Variants in GRK7 observed in about 807,000 individuals in gnomAD.
The protein encoded by GRK7 is G protein-coupled receptor kinase 7.
In GRK7, 24 loss-of-function variants were observed where a neutral mutation model predicts 34.1. The observed-to-expected ratio is 0.70, with a 90% CI of 0.51 to 0.99. The LOEUF is 0.99. Ranked by LOEUF, GRK7 falls within the 50% of genes least tolerant of loss-of-function variation. GRK7 has a pLI of 0.00. For synonymous variants in GRK7, 256 were observed against 279.4 expected (o/e 0.92, Z 0.84); for missense variants, 644 against 707.3 (o/e 0.91, Z 1.02).
the GRK7 span, among the ~76,000 whole-genome samples, chr3:141,757,148 T>TTTTTTTTTTTTTTTTTTC: frequency 8.7e-6 from 1 of 115,284 alleles, no homozygotes; most frequent in Non-Finnish European, 1.8e-5. Flanking sequence ...TTTTTTTTTC[T>TTTTTTTTTTTTTTTTTTC]TTTTTTTTTT....
the GRK7 span, among the ~76,000 whole-genome samples, chr3:141,754,014 G>C: frequency 6.6e-6 from 1 of 152,178 alleles, no homozygotes; most frequent in Non-Finnish European, 1.5e-5. Context: ...CTTTGATAAA[G>C]CCAGGTTTAA....
In GRK7 at chr3:141,769,534, G is replaced by A. The variant is rs188975934; in HGVS notation, c.-215+3796G>A. ...TAAGAGAGAGGTCAAATCCTTAAAA[G>A]GATGGCTTAACTGATAATGGTACAG... On this transcript the variant is annotated intron_variant, in intron 1 of 5. Transcript: ENST00000682958. 1.1e-3 allele frequency among the ~76,000 whole-genome samples: 171 copies of A among 152,304 alleles called. 1 individual carries two copies. Among genetic ancestry groups the A allele is most frequent in the Non-Finnish European group, 1.7e-3 (114 of 68,018 alleles).
intron 1 of GRK7, among the ~76,000 whole-genome samples, chr3:141,766,786 A>G (rs1287563042): frequency 6.6e-6 from 1 of 152,188 alleles, no homozygotes; most frequent in Non-Finnish European, 1.5e-5. Context: ...CTAATAATCT[A>G]TGTCTTCTAA....
At chr3:141,787,043 C>A (rs564337446) in intron 4 of GRK7, among the ~76,000 whole-genome samples, 36 of 152,236 alleles carry the variant, frequency 2.4e-4, no homozygotes, top group Non-Finnish European at 4.4e-4. Context: ...TTTCTACAGC[C>A]AGAGTGAACT....
chr3:141,754,488 G>A, the GRK7 span, among the ~76,000 whole-genome samples: 1 of 142,766 alleles, frequency 7.0e-6, no homozygotes, highest in African/African-American at 2.6e-5. Context: ...AGGCAGGAGT[G>A]CAGTGGTGCA....
At position 141,818,787 on chromosome 3, in the gene GRK7, CT is replaced by C. The variant is rs1371509904; in HGVS notation, c.*1738del. ...GTCCCTTGAGTTAAGGATTCAAGAG[CT>C]GCAAAAGTGCCGGTCAAAAAAATGT... On this transcript the variant is annotated 3_prime_UTR_variant, in exon 6 of 6. Transcript: ENST00000682958. Among the ~76,000 whole-genome samples, 10 of 152,176 alleles carry C rather than the reference CT, an allele frequency of 6.6e-5. No individual in the cohort carries two copies. Among genetic ancestry groups the C allele is most frequent in the Non-Finnish European group, 2.9e-5 (2 of 68,024 alleles).
At chr3:141,804,382 T>G (rs2107891863) in intron 4 of GRK7, among the ~76,000 whole-genome samples, 1 of 152,308 alleles carries the variant, frequency 6.6e-6, no homozygotes, top group Admixed American at 6.5e-5. Flanking sequence ...CCCCAAATCA[T>G]GTATTCTAGA....
rs1444379169 is a variant in GRK7, at chr3:141,778,733, C to T, written c.449C>T (p.Ala150Val). Residue 150 changes from alanine to valine, a missense_variant, in exon 3 of 6, where the codon GCC becomes GTC. Physicochemically the swap from Ala to Val is moderately conservative, Grantham distance 64. Coordinates refer to ENST00000682958, the MANE Select transcript of GRK7 (RefSeq NM_139209.3). The surrounding 1 kb of genome is among the most constrained non-coding windows in gnomAD (Gnocchi z 4.1). ...EEERVAAVTL[A>V]KAEAMAFLQE... ...GAGCGAGTGGCTGCAGTGACGCTGG[C>T]CAAGGCTGAGGCCATGGCTTTCTTG... 6.2e-7 allele frequency: 1 copy of T among 1,611,148 alleles called. No homozygotes were observed. The highest frequency in any genetic ancestry group is 1.3e-5 in the African/African-American group (1 of 74,892).
rs2084603434 is a variant in GRK7, at chr3:141,768,969, GTCC to G, written c.-215+3233_-215+3235del. Among the ~76,000 whole-genome samples, 3 of 152,098 alleles carry G rather than the reference GTCC, an allele frequency of 2.0e-5. No homozygotes were observed. In the South Asian group the frequency reaches 6.2e-4, roughly 32 times the overall value. On this transcript the variant is annotated intron_variant, in intron 1 of 5. Coordinates refer to ENST00000682958, the MANE Select transcript of GRK7 (RefSeq NM_139209.3). ...AAATGTTGAATGACCTCAAGGCTCA[GTCC>G]TTGTCCATCTTCCAGTCTCACTCCC...
chr3:141,787,530 A>T (rs1445252423), intron 4 of GRK7, among the ~76,000 whole-genome samples: 2 of 151,724 alleles, frequency 1.3e-5, no homozygotes, highest in Admixed American at 1.3e-4. Flanking sequence ...TGGCTGAGGC[A>T]GGAGAATTGC....
At chr3:141,780,259 C>T in intron 3 of GRK7, 115 bp from the exon 4 acceptor site, 1 of 832,666 alleles carries the variant, frequency 1.2e-6, no homozygotes, top group East Asian at 2.7e-5. Context: ...TTATTTACAG[C>T]TACTCCTTTC....
chr3:141,815,232 TTTG>T lies in GRK7; in HGVS notation c.1326-1479_1326-1477del, dbSNP rs1217356801. Among the ~76,000 whole-genome samples the T allele has an allele frequency of 9.2e-3, 110 of 11,950 alleles. 4 individuals are homozygous for T. The South Asian group carries it at 0.15, about 16-fold the overall frequency. 7.8% of individuals were successfully genotyped at this position (11,950 alleles called of 152,430 possible). On this transcript the variant is annotated intron_variant, in intron 5 of 5. Transcript: ENST00000682958. ...GAGCCACCATGTCTGGTTGGTTTTTTTTGTTTGTTTGTTTGTTTGTTTGTTTGT... is the reference window on the plus strand; with the variant it reads ...GAGCCACCATGTCTGGTTGGTTTTTTTTTGTTTGTTTGTTTGTTTGTTTGT...
intron 1 of GRK7, among the ~76,000 whole-genome samples, chr3:141,770,662 T>C (rs939484249): frequency 6.6e-6 from 1 of 151,748 alleles, no homozygotes; most frequent in South Asian, 2.1e-4. Flanking sequence ...AAAATACTCA[T>C]CACCACTAAT....
intron 2 of GRK7, among the ~76,000 whole-genome samples, chr3:141,776,235 C>T (rs1160430995): frequency 6.6e-6 from 1 of 151,498 alleles, no homozygotes; most frequent in Non-Finnish European, 1.5e-5. Context: ...TGCAGTGAGC[C>T]GAGATCACGC....
chr3:141,784,680 C>T (rs917688191), intron 4 of GRK7, among the ~76,000 whole-genome samples: 6 of 152,164 alleles, frequency 3.9e-5, no homozygotes. Context: ...TAACCACTAA[C>T]GTTCAGTTGT....
chr3:141,794,757 G>A (rs560820573), intron 4 of GRK7, among the ~76,000 whole-genome samples: 1 of 152,192 alleles, frequency 6.6e-6, no homozygotes, highest in Non-Finnish European at 1.5e-5. Context: ...AGAACGCAGT[G>A]GATGAATTGG....
In GRK7 at chr3:141,779,423, A is replaced by G. The variant is rs547995471; in HGVS notation, c.612+527A>G. Among the ~76,000 whole-genome samples, 15 of 150,646 alleles carry G rather than the reference A, an allele frequency of 1.0e-4. No homozygotes were observed. In the South Asian group the frequency reaches 2.1e-3, roughly 21 times the overall value. The stretch of plus-strand genomic sequence containing the variant: ...AGAGCAAGACTCAAAAAAAAAAAAA[A>G]AAAGAAAGAAAGAAAAGAAAGAAAA... On this transcript the variant is annotated intron_variant, in intron 3 of 5. Transcript: ENST00000682958.
chr3:141,813,381 C>T lies in GRK7; in HGVS notation c.1326-3333C>T, dbSNP rs2107897186. Among the ~76,000 whole-genome samples the T allele has an allele frequency of 3.3e-5, 5 of 152,326 alleles. No individual in the cohort carries two copies. The South Asian group carries it at 1.0e-3, about 32-fold the overall frequency. ...GCCTCAGGAGATCCACCCGCTTTGG[C>T]CTCCCAAAATGCTGGGATTACAGGT... is the stretch of plus-strand genomic sequence containing the variant. On this transcript the variant is annotated intron_variant, in intron 5 of 5. Coordinates refer to ENST00000682958, the MANE Select transcript of GRK7 (RefSeq NM_139209.3).
At chr3:141,804,970 A>G (rs1272066599) in intron 4 of GRK7, among the ~76,000 whole-genome samples, 2 of 150,582 alleles carry the variant, frequency 1.3e-5, no homozygotes, top group Admixed American at 6.6e-5. Context: ...CCACACTCAC[A>G]TACACACACC....
Sources: gnomAD v4.1 joint callset for allele counts (sites outside exome capture counted in the v4.1 genomes callset) on GRCh38, gnomAD v4.1.1 for gene constraint, Gnocchi (gnomAD v3.1) non-coding constraint, MANE v1.5 for transcripts, NCBI Gene and HGNC (gene_info 2026-07-23, HGNC 2026-07-21) for gene names.